The following ARHGAP24 variants were observed in gnomAD, a reference collection of about 807,000 sequenced individuals.
ARHGAP24 encodes the protein Rho GTPase activating protein 24, also known as rho GTPase-activating protein 24.
In ARHGAP24, 50 loss-of-function variants were observed where a neutral mutation model predicts 76.4. The ratio of observed to expected loss-of-function variants is 0.65; its 90% confidence interval spans 0.52 to 0.83. The LOEUF is 0.83. Among genes scored for constraint, ARHGAP24 ranks in the 40% least tolerant of loss-of-function variants. The probability of loss-of-function intolerance (pLI) is 0.00; values close to 1 mark genes in which losing one functional copy is unlikely to be tolerated. For synonymous variants in ARHGAP24, 345 were observed against 323.3 expected, an observed-to-expected ratio of 1.07 and a Z score of -0.72; for missense variants, 930 against 914.2, an observed-to-expected ratio of 1.02 and a Z score of -0.22.
chr4:85,625,626 T>C (rs975397740), intron 2 of ARHGAP24, among the ~76,000 whole-genome samples: 2 of 152,184 alleles, frequency 1.3e-5, no homozygotes, highest in African/African-American at 4.8e-5. Flanking sequence ...CTGGATATCC[T>C]TGTTAACTTT....
At chr4:85,714,909 C>T (rs2110037569) in intron 2 of ARHGAP24, among the ~76,000 whole-genome samples, 1 of 152,228 alleles carries the variant, frequency 6.6e-6, no homozygotes, top group Middle Eastern at 3.4e-3. Flanking sequence ...CATAAATTGG[C>T]TTAACAGCTA....
intron 3 of ARHGAP24, among the ~76,000 whole-genome samples, chr4:85,845,173 T>A (rs1384648404): frequency 6.6e-6 from 1 of 152,244 alleles, no homozygotes; most frequent in African/African-American, 2.4e-5. Flanking sequence ...GAAGGTATTT[T>A]AATCTTCCCG....
chr4:85,721,255 G>T (rs890682599), intron 2 of ARHGAP24, among the ~76,000 whole-genome samples: 2 of 152,088 alleles, frequency 1.3e-5, no homozygotes, highest in African/African-American at 2.4e-5. Flanking sequence ...AATTGGCCGG[G>T]TGTGCTGGCA....
chr4:85,580,813 A>T (rs181041693), intron 2 of ARHGAP24, among the ~76,000 whole-genome samples: 19 of 152,174 alleles, frequency 1.2e-4, no homozygotes, highest in African/African-American at 4.1e-4. Flanking sequence ...CAGTGATCGT[A>T]TCTGACTGGG....
chr4:85,571,347 G>T (rs1298515891), intron 2 of ARHGAP24, among the ~76,000 whole-genome samples: 5 of 152,192 alleles, frequency 3.3e-5, no homozygotes, highest in East Asian at 1.9e-4. Context: ...TGAGAGAGAA[G>T]AATAATCTTC....
At chr4:85,607,178 A>T (rs554101698) in intron 2 of ARHGAP24, among the ~76,000 whole-genome samples, 1 of 152,120 alleles carries the variant, frequency 6.6e-6, no homozygotes, top group Non-Finnish European at 1.5e-5. Context: ...TAGAGTCTGT[A>T]TCAGGGCCAG....
intron 3 of ARHGAP24, among the ~76,000 whole-genome samples, chr4:85,888,072 ATTT>A (rs1733665486): frequency 6.6e-6 from 1 of 151,996 alleles, no homozygotes; most frequent in Admixed American, 6.5e-5. Context: ...CCTCATTTGA[ATTT>A]CTTTGTCATG....
intron 2 of ARHGAP24, among the ~76,000 whole-genome samples, chr4:85,574,926 A>G (rs1171195300): frequency 6.6e-6 from 1 of 152,326 alleles, no homozygotes; most frequent in Non-Finnish European, 1.5e-5. Flanking sequence ...GAAAGTTTCA[A>G]TGCCACTTTT....
chr4:85,896,220 G>T (rs1734171129), intron 3 of ARHGAP24, among the ~76,000 whole-genome samples: 1 of 152,102 alleles, frequency 6.6e-6, no homozygotes, highest in South Asian at 2.1e-4. Context: ...TTAACTTTTT[G>T]ATTTTAGGAA....
intron 8 of ARHGAP24, among the ~76,000 whole-genome samples, chr4:85,987,085 T>G (rs983568750): frequency 6.6e-6 from 1 of 152,124 alleles, no homozygotes; most frequent in African/African-American, 2.4e-5. Flanking sequence ...AAGTGATCCC[T>G]AATGTAAACT....
chr4:85,928,069 C>G (rs1392341444), intron 4 of ARHGAP24, among the ~76,000 whole-genome samples: 1 of 152,156 alleles, frequency 6.6e-6, no homozygotes, highest in African/African-American at 2.4e-5. Flanking sequence ...ATCTACATAG[C>G]TCAACTTTGT....
intron 1 of ARHGAP24, among the ~76,000 whole-genome samples, chr4:85,553,556 G>C (rs1905034): frequency 0.99 from 150,248 of 151,850 alleles, 74,357 homozygotes; most frequent in Middle Eastern, 1. Flanking sequence ...GTCCCCTACC[G>C]GATTAGCTAG....
chr4:85,596,929 A>G lies in ARHGAP24; in HGVS notation c.180+26208A>G, dbSNP rs546183819. Among the ~76,000 whole-genome samples the G allele has an allele frequency of 2.6e-5, 4 of 152,180 alleles. No individual in the cohort carries two copies. The South Asian group carries it at 8.3e-4, about 32-fold the overall frequency. ...ATCATAATATTTTAAGTCCAAATAT[A>G]TTTTTAAAAAAAATTACTTTAAAAA... On this transcript the variant is annotated intron_variant, in intron 2 of 9. Coordinates refer to ENST00000395184, the MANE Select transcript of ARHGAP24 (RefSeq NM_001025616.3).
At chr4:85,489,470 A>C (rs1723274554) in intron 1 of ARHGAP24, among the ~76,000 whole-genome samples, 1 of 152,144 alleles carries the variant, frequency 6.6e-6, no homozygotes, top group African/African-American at 2.4e-5. Flanking sequence ...CTGGGACTTG[A>C]TGACTCAGAG....
intron 1 of ARHGAP24, among the ~76,000 whole-genome samples, chr4:85,495,251 G>C (rs1253734236): frequency 6.6e-6 from 1 of 151,584 alleles, no homozygotes; most frequent in Non-Finnish European, 1.5e-5. Flanking sequence ...GGGTTTCAGC[G>C]AAGAGGTAAA....
At chr4:85,686,843 A>G (rs887698579) in intron 2 of ARHGAP24, among the ~76,000 whole-genome samples, 1 of 152,084 alleles carries the variant, frequency 6.6e-6, no homozygotes, top group African/African-American at 2.4e-5. Flanking sequence ...TGTATTAGTA[A>G]ATTAGTCTTC....
chr4:85,696,687 A>G (rs1371932219), intron 2 of ARHGAP24, among the ~76,000 whole-genome samples: 1 of 152,220 alleles, frequency 6.6e-6, no homozygotes, highest in African/African-American at 2.4e-5. Flanking sequence ...CACAGACATA[A>G]CATTCTTTCA....
At chr4:85,665,888 G>A (rs1195733530) in intron 2 of ARHGAP24, among the ~76,000 whole-genome samples, 1 of 152,216 alleles carries the variant, frequency 6.6e-6, no homozygotes, top group Non-Finnish European at 1.5e-5. Flanking sequence ...GAGATCTGCT[G>A]TTAGTCTGAT....
intron 3 of ARHGAP24, among the ~76,000 whole-genome samples, chr4:85,810,105 T>A (rs1728948550): frequency 6.6e-6 from 1 of 152,234 alleles, no homozygotes; most frequent in African/African-American, 2.4e-5. Context: ...ACGTGATCAA[T>A]GCTTAATAAA....
Sources: gnomAD v4.1 joint callset for allele counts (sites outside exome capture counted in the v4.1 genomes callset) on GRCh38, gnomAD v4.1.1 for gene constraint, MANE v1.5 for transcripts, NCBI Gene and HGNC (gene_info 2026-07-23, HGNC 2026-07-21) for gene names.